Variants in MYL11 observed in about 807,000 individuals in gnomAD.
MYL11 encodes the protein myosin regulatory light chain 11.
the MYL11 span, chr16:30,375,732 C>A: frequency 9.0e-7 from 1 of 1,112,892 alleles, no homozygotes; most frequent in Non-Finnish European, 1.3e-6. Flanking sequence ...GGAACAGGGA[C>A]TCGAAGAATT....
the MYL11 span, chr16:30,374,931 G>A: frequency 6.4e-7 from 1 of 1,568,578 alleles, no homozygotes; most frequent in Non-Finnish European, 8.6e-7. Context: ...TTGAAAGAAA[G>A]TAGCTGGTTC....
chr16:30,375,747 C>G, the MYL11 span: 13 of 1,287,430 alleles, frequency 1.0e-5, no homozygotes, highest in Non-Finnish European at 1.4e-5. Context: ...AGAATTCTGA[C>G]TCTTAATCCA....
the MYL11 span, chr16:30,375,970 T>C: frequency 1.3e-6 from 2 of 1,571,814 alleles, no homozygotes; most frequent in African/African-American, 2.7e-5. Flanking sequence ...GCTGGCCCTC[T>C]CCCTGGAATG....
chr16:30,375,466 A>G, the MYL11 span, among the ~76,000 whole-genome samples: 1 of 139,110 alleles, frequency 7.2e-6, no homozygotes, highest in Non-Finnish European at 1.6e-5. Flanking sequence ...CTCTGTCTCA[A>G]AAAAAAAAAA....
the MYL11 span, chr16:30,377,803 A>G: frequency 1.2e-6 from 2 of 1,614,154 alleles, no homozygotes; most frequent in South Asian, 1.1e-5. Context: ...CAGATCAAGA[A>G]CATGTGGGCG....
At chr16:30,376,728 C>T in the MYL11 span, 1 of 1,595,112 alleles carries the variant, frequency 6.3e-7, no homozygotes, top group Non-Finnish European at 8.6e-7. Flanking sequence ...CCCTTCCGAC[C>T]CTTCCCCCAC....
chr16:30,374,844 C>G, the MYL11 span: 78 of 1,613,358 alleles, frequency 4.8e-5, no homozygotes, highest in Non-Finnish European at 5.3e-5. Context: ...CCTTGCCCCC[C>G]GGAGACTGAA....
At chr16:30,377,791 C>G in the MYL11 span, 2 of 1,613,766 alleles carry the variant, frequency 1.2e-6, no homozygotes, top group African/African-American at 2.7e-5. Context: ...TACGTCTTTC[C>G]CCAGATCAAG....
the MYL11 span, among the ~76,000 whole-genome samples, chr16:30,371,832 G>A: frequency 6.6e-6 from 1 of 152,110 alleles, no homozygotes; most frequent in Non-Finnish European, 1.5e-5. Context: ...GAGCGCTCCA[G>A]GTTGTCCTTA....
At chr16:30,375,723 G>A in the MYL11 span, 2 of 1,025,966 alleles carry the variant, frequency 1.9e-6, no homozygotes, top group African/African-American at 3.2e-5. Flanking sequence ...GCTGCTTTAG[G>A]AACAGGGACT....
chr16:30,374,474 C>G, the MYL11 span, among the ~76,000 whole-genome samples: 3 of 152,158 alleles, frequency 2.0e-5, no homozygotes, highest in African/African-American at 7.2e-5. Flanking sequence ...CTGAGCCCAC[C>G]CCACTCAGGG....
chr16:30,374,950 AC>A, the MYL11 span: 1 of 1,497,576 alleles, frequency 6.7e-7, no homozygotes, highest in African/African-American at 1.4e-5. Flanking sequence ...TCCCAGTCCA[AC>A]AAAAAGTTAA....
At chr16:30,376,729 C>G in the MYL11 span, 2 of 1,595,024 alleles carry the variant, frequency 1.3e-6, no homozygotes, top group Non-Finnish European at 1.7e-6. Flanking sequence ...CCTTCCGACC[C>G]TTCCCCCACT....
the MYL11 span, chr16:30,377,736 A>G: frequency 6.4e-7 from 1 of 1,569,664 alleles, no homozygotes; most frequent in Admixed American, 1.7e-5. Flanking sequence ...CGGAGCAGCA[A>G]AGGGGCTGGG....
chr16:30,375,540 C>G, the MYL11 span, among the ~76,000 whole-genome samples: 1 of 151,676 alleles, frequency 6.6e-6, no homozygotes, highest in Non-Finnish European at 1.5e-5. Flanking sequence ...CACAGCAAGT[C>G]TGAGGCTCAG....
chr16:30,376,412 A>G, the MYL11 span: 3 of 1,609,292 alleles, frequency 1.9e-6, no homozygotes, highest in Non-Finnish European at 2.5e-6. Flanking sequence ...GCTTCCCCCA[A>G]CCCCCTCCAG....
At chr16:30,377,491 T>G in the MYL11 span, 2 of 601,278 alleles carry the variant, frequency 3.3e-6, no homozygotes, top group Admixed American at 3.5e-5. Context: ...TCACAGCAAA[T>G]GTGGGCGGAG....
the MYL11 span, among the ~76,000 whole-genome samples, chr16:30,375,015 G>T: frequency 2.0e-5 from 3 of 152,156 alleles, no homozygotes; most frequent in Admixed American, 6.5e-5. Flanking sequence ...CTGTGTGATG[G>T]CCTAAAGGAT....
chr16:30,377,191 C>T, the MYL11 span, among the ~76,000 whole-genome samples: 1 of 151,168 alleles, frequency 6.6e-6, no homozygotes, highest in Admixed American at 6.6e-5. Context: ...CCAACCTGGG[C>T]GACAATAGCA....
Sources: allele counts gnomAD v4.1 joint callset (sites outside exome capture counted in the v4.1 genomes callset), GRCh38; gene constraint gnomAD v4.1.1; transcripts MANE v1.5; gene names NCBI Gene and HGNC (gene_info 2026-07-23, HGNC 2026-07-21).